PLCXD1: variants seen among roughly 807,000 people sequenced by gnomAD.
PLCXD1 encodes PI-PLC X domain-containing protein 1.
PLCXD1 carries 45 observed loss-of-function variants against 37.8 expected under a neutral mutation model. The ratio of observed to expected loss-of-function variants is 1.19; its 90% CI spans 0.94 to 1.53. PLCXD1 has a LOEUF of 1.53. PLCXD1 is among the 40% of genes most tolerant of loss of function. PLCXD1 has a pLI of 0.00. For missense variants in PLCXD1, 539 were observed against 454.7 expected, an observed-to-expected ratio of 1.19 and a Z score of -1.69; for synonymous variants, 246 against 206.9, an observed-to-expected ratio of 1.19 and a Z score of -1.62.
At chrX:292,727 C>G (rs959735675) in intron 5 of PLCXD1, among the ~76,000 whole-genome samples, 72 of 151,986 alleles carry the variant, frequency 4.7e-4, no homozygotes, top group Non-Finnish European at 9.6e-4. Flanking sequence ...ATTCTCCTAC[C>G]TCAGCCTTCT....
intron 6 of PLCXD1, among the ~76,000 whole-genome samples, chrX:293,789 T>A (rs1260093829): frequency 1.3e-5 from 2 of 152,032 alleles, no homozygotes; most frequent in African/African-American, 4.8e-5. Flanking sequence ...ACACGTAGTG[T>A]GTGAATCCAT....
intron 1 of PLCXD1, among the ~76,000 whole-genome samples, chrX:281,908 C>T (rs1238938113): frequency 2.6e-5 from 4 of 152,040 alleles, no homozygotes; most frequent in African/African-American, 4.8e-5. Context: ...CCACCACGGC[C>T]GGCTACTTTT....
chrX:282,984 A>G (rs1305326462), intron 1 of PLCXD1, among the ~76,000 whole-genome samples: 1 of 146,354 alleles, frequency 6.8e-6, no homozygotes, highest in African/African-American at 2.5e-5. Flanking sequence ...TATGTATAAT[A>G]TATATTATAT....
At chrX:278,143 A>C (rs2069190915), upstream of PLCXD1, among the ~76,000 whole-genome samples, 1 of 84,950 alleles carries the variant, frequency 1.2e-5, no homozygotes, top group Non-Finnish European at 2.3e-5. Context: ...GACACCCCTC[A>C]GTGGTCAGGG....
At chrX:282,459 C>G (rs901828580) in intron 1 of PLCXD1, among the ~76,000 whole-genome samples, 2 of 151,776 alleles carry the variant, frequency 1.3e-5, no homozygotes, top group Non-Finnish European at 2.9e-5. Context: ...AATCCCAGCA[C>G]TTTGGGAGGC....
At chrX:277,118 G>C (rs1309439413), upstream of PLCXD1, among the ~76,000 whole-genome samples, 1 of 152,210 alleles carries the variant, frequency 6.6e-6, no homozygotes, top group Non-Finnish European at 1.5e-5. Flanking sequence ...CGAGATGGCA[G>C]AGGTGGCTGG....
intron 6 of PLCXD1, among the ~76,000 whole-genome samples, chrX:295,184 A>G (rs2069764416): frequency 6.6e-6 from 1 of 151,674 alleles, no homozygotes; most frequent in Non-Finnish European, 1.5e-5. Flanking sequence ...AAAAAAAAAA[A>G]GGTAACTTTT....
rs1411892024 is a variant in PLCXD1 at position 301,007 on chromosome X, A to AT, written c.*1673dup. 6.6e-6 allele frequency: 1 copy of AT among 151,752 alleles called. No individual in the cohort carries two copies. Among genetic ancestry groups the AT allele is most frequent in the Non-Finnish European group, 1.5e-5 (1 of 67,984 alleles). 9.4% of individuals were successfully genotyped at this position (151,752 alleles called of 1,614,324 possible). ...CATGAGCCACTGTGCCCAGCCGCCG[A>AT]TATTTCTTTAAATTATGTTTAGGGA... is the stretch of plus-strand genomic sequence containing the variant. On this transcript the variant is annotated 3_prime_UTR_variant, in exon 7 of 7. Coordinates refer to ENST00000381657, the MANE Select transcript of PLCXD1 (RefSeq NM_018390.4).
intron 4 of PLCXD1, 92 bp from the exon 5 acceptor site, chrX:291,407 A>T: frequency 6.8e-7 from 1 of 1,473,496 alleles, no homozygotes; most frequent in South Asian, 1.2e-5. Flanking sequence ...CGGCCTCCCA[A>T]ATTGCTGGGA....
intron 6 of PLCXD1, among the ~76,000 whole-genome samples, chrX:294,264 T>G (rs375232954): frequency 6.6e-6 from 1 of 151,894 alleles, no homozygotes; most frequent in Admixed American, 6.6e-5. Context: ...GGGCGGATCA[T>G]GAGGTCAGGA....
chrX:294,470 G>C (rs1180702297), intron 6 of PLCXD1, among the ~76,000 whole-genome samples: 2 of 136,078 alleles, frequency 1.5e-5, no homozygotes, highest in Non-Finnish European at 3.2e-5. Context: ...CGACAGAGTG[G>C]AACTCTGTCT....
chrX:298,962 C>T, intron 6 of PLCXD1, 135 bp from the exon 7 acceptor site: 1 of 718,138 alleles, frequency 1.4e-6, no homozygotes, highest in East Asian at 2.6e-5. Context: ...CAAAGCTCAC[C>T]CAATTTCCTT....
chrX:299,459 C>G lies in PLCXD1; in HGVS notation c.*124C>G. ...ACCGATGATAATACGTTTTCATTTTCTTTAAAATAGAGATGGGGTGGCTGG... is the reference window on the plus strand; with the variant it reads ...ACCGATGATAATACGTTTTCATTTTGTTTAAAATAGAGATGGGGTGGCTGG... On this transcript the variant is annotated 3_prime_UTR_variant, in exon 7 of 7. Transcript: ENST00000381657. 1.3e-6 allele frequency: 1 copy of G among 788,136 alleles called. No individual in the cohort carries two copies. Among genetic ancestry groups the G allele is most frequent in the Non-Finnish European group, 2.2e-6 (1 of 463,708 alleles). 48.8% of individuals were successfully genotyped at this position (788,136 alleles called of 1,614,324 possible).
rs374576667 is a variant in PLCXD1, at chrX:288,885, C to T, written c.264+16C>T. On this transcript the variant is annotated intron_variant, in intron 3 of 6. Coordinates refer to ENST00000381657, the MANE Select transcript of PLCXD1 (RefSeq NM_018390.4). ...CGTCACCCAGGTACGGTCTGTGCCC[C>T]GTGCTGCTGACCTGGCCTGTCAGCT... 13 of 1,611,196 alleles carry T rather than the reference C, an allele frequency of 8.1e-6. No individual in the cohort carries two copies. Among genetic ancestry groups the T allele is most frequent in the Middle Eastern group, 2.1e-4 (1 of 4,670 alleles).
chrX:285,360 A>ATG lies in PLCXD1; in HGVS notation c.127+1046_127+1047insTG, dbSNP rs1160173739. Among the ~76,000 whole-genome samples the ATG allele has an allele frequency of 1.5e-4, 23 of 148,874 alleles. 1 individual carries two copies. The highest frequency in any genetic ancestry group is 5.9e-4 in the African/African-American group (23 of 38,670). On this transcript the variant is annotated intron_variant, in intron 2 of 6. Coordinates refer to ENST00000381657, the MANE Select transcript of PLCXD1 (RefSeq NM_018390.4). ...CACATGCACACGTGTACACATGTACACACATGCACACATGTATATATATAT... is the reference window on the plus strand; with the variant it reads ...CACATGCACACGTGTACACATGTACATGCACATGCACACATGTATATATATAT...
rs1556024383 is a variant in PLCXD1 at position 301,447 on chromosome X, A to ACTGT, written c.*2112_*2113insCTGT. The ACTGT allele has an allele frequency of 1.3e-5, 2 of 151,386 alleles. No individual in the cohort carries two copies. The highest frequency in any genetic ancestry group is 2.9e-5 in the Non-Finnish European group (2 of 68,042). 9.4% of individuals were successfully genotyped at this position (151,386 alleles called of 1,614,324 possible). On this transcript the variant is annotated 3_prime_UTR_variant, in exon 7 of 7. Coordinates refer to ENST00000381657, the MANE Select transcript of PLCXD1 (RefSeq NM_018390.4). The stretch of plus-strand genomic sequence containing the variant: ...GTGTCAGCCACCACACCCACAGCTA[A>ACTGT]TTTTTTTTGTAGAGATGGGGTCTGG...
At chrX:298,600 CAT>C (rs756970659) in intron 6 of PLCXD1, among the ~76,000 whole-genome samples, 1 of 32,366 alleles carries the variant, frequency 3.1e-5, no homozygotes, top group African/African-American at 4.4e-4. Flanking sequence ...CTGTCTATCA[CAT>C]GGGGATTACG....
rs369665262 is a variant in PLCXD1 at position 287,827 on chromosome X, G to A, written c.128-906G>A. Among the ~76,000 whole-genome samples the A allele has an allele frequency of 3.3e-5, 5 of 151,714 alleles. No individual in the cohort carries two copies. In the East Asian group the frequency reaches 7.7e-4, roughly 23 times the overall value. ...TCATAGGCAGGAAATGCAAACGTCA[G>A]CCATCAGTCAAACTCTACAAAGGTC... On this transcript the variant is annotated intron_variant, in intron 2 of 6. Coordinates refer to ENST00000381657, the MANE Select transcript of PLCXD1 (RefSeq NM_018390.4).
intron 2 of PLCXD1, among the ~76,000 whole-genome samples, chrX:284,772 G>T (rs747838572): frequency 1.2e-5 from 1 of 84,924 alleles, no homozygotes; most frequent in Admixed American, 1.0e-4. Context: ...AGGTTTAATG[G>T]ACTCAGTTCC....
Sources: gnomAD v4.1 joint callset for allele counts (sites outside exome capture counted in the v4.1 genomes callset) on GRCh38, gnomAD v4.1.1 for gene constraint, MANE v1.5 for transcripts, NCBI Gene and HGNC (gene_info 2026-07-23, HGNC 2026-07-21) for gene names.